LIMK2: variants seen among roughly 807,000 people sequenced by gnomAD.
LIMK2 encodes LIM domain kinase 2.
A neutral mutation model predicts 75.7 loss-of-function variants in LIMK2; 35 were observed. The observed-to-expected ratio is 0.46, with a 90% CI of 0.35 to 0.61. The LOEUF is 0.61. Ranked by LOEUF, LIMK2 falls within the 20% of genes least tolerant of loss-of-function variation. LIMK2 has a pLI of 0.00. For synonymous variants in LIMK2, 301 were observed against 319.2 expected (o/e 0.94, Z 0.61); for missense variants, 623 against 831.0 (o/e 0.75, Z 3.08).
At chr22:31,238,444 G>A (rs1206428591) in intron 2 of LIMK2, among the ~76,000 whole-genome samples, 3 of 152,340 alleles carry the variant, frequency 2.0e-5, no homozygotes, top group East Asian at 3.9e-4. Flanking sequence ...GGATATGAGT[G>A]TTCTGATTTT....
Position 31,267,084 on chromosome 22 carries a change from G to A in LIMK2, c.1128+14G>A. ...TTTCTGACTGAGGTAAGAAGATGGA[G>A]GGGGCCCGGGAGGTTGGTGTCACCA... On this transcript the variant is annotated intron_variant, in intron 9 of 15. Coordinates refer to ENST00000331728, the MANE Select transcript of LIMK2 (RefSeq NM_005569.4). The A allele has an allele frequency of 6.6e-7, 1 of 1,518,452 alleles. No individual in the cohort carries two copies. Among genetic ancestry groups the A allele is most frequent in the Non-Finnish European group, 9.1e-7 (1 of 1,099,412 alleles). The allele number at this position is 1,518,452 out of a possible 1,614,324, so 94.1% of individuals were successfully genotyped here. A position where few individuals can be genotyped will look rare whatever the true frequency, so the allele number is the denominator to read the frequency against.
chr22:31,248,852 C>A lies in LIMK2; in HGVS notation c.117-9439C>A. The A allele has an allele frequency of 2.8e-6, 4 of 1,422,508 alleles. No individual in the cohort carries two copies. In the South Asian group the frequency reaches 3.5e-5, roughly 12 times the overall value. 88.1% of individuals were successfully genotyped at this position (1,422,508 alleles called of 1,614,324 possible). On this transcript the variant is annotated intron_variant, in intron 2 of 15. Coordinates refer to ENST00000331728, the MANE Select transcript of LIMK2 (RefSeq NM_005569.4). ...GGGTGGTCTCCCTAAATCTCCTTCT[C>A]ACTTAGTCCTTTACCATCGGTTCTG...
chr22:31,224,504 A>T (rs1282320301), intron 1 of LIMK2, among the ~76,000 whole-genome samples: 2 of 152,154 alleles, frequency 1.3e-5, no homozygotes, highest in East Asian at 1.9e-4. Flanking sequence ...TAGCTAGTCA[A>T]CCCTGCCCCC....
At chr22:31,253,689 C>A (rs1255900500) in intron 2 of LIMK2, among the ~76,000 whole-genome samples, 6 of 152,236 alleles carry the variant, frequency 3.9e-5, no homozygotes, top group African/African-American at 1.2e-4. Flanking sequence ...GCTTCACATT[C>A]CAGCTCCATC....
rs774503661 is a variant in LIMK2 at position 31,262,697 on chromosome 22, G to C, written c.760G>C (p.Ala254Pro). The C allele has an allele frequency of 1.9e-6, 3 of 1,614,138 alleles. No individual in the cohort carries two copies. Among genetic ancestry groups the C allele is most frequent in the Middle Eastern group, 1.6e-4 (1 of 6,062 alleles). ...LDQLRLEARL[A>P]PHMQNAGHPH... ...CCAGCTGCGGCTGGAGGCCCGGCTC[G>C]CTCCTCACATGCAGAATGCCGGACA... is the stretch of plus-strand genomic sequence containing the variant. The change falls in exon 7 of 16, where the codon GCT (alanine) becomes CCT (proline). Residue 254 changes from alanine (A) to proline (P), a missense_variant. Physicochemically the swap from Ala to Pro is conservative, Grantham distance 27. Around this residue, in one of 3 missense-constraint regions of LIMK2, gnomAD observed 514 missense variants for 661.3 expected, o/e 0.78. Coordinates refer to ENST00000331728, the MANE Select transcript of LIMK2 (RefSeq NM_005569.4). This position sits in a 1 kb window ranked among gnomAD's most constrained non-coding sequence, Gnocchi z 5.0.
chr22:31,252,308 C>T (rs2009132), intron 2 of LIMK2, among the ~76,000 whole-genome samples: 58,064 of 151,826 alleles, frequency 0.38, 12,853 homozygotes, highest in Middle Eastern at 0.56. Context: ...TTTGGGAGGC[C>T]AAGGCTGGAG....
chr22:31,240,217 G>A (rs1280861381), intron 2 of LIMK2, among the ~76,000 whole-genome samples: 1 of 152,166 alleles, frequency 6.6e-6, no homozygotes, highest in African/African-American at 2.4e-5. Context: ...TCTTTTGTGT[G>A]TCAGCTGTAT....
chr22:31,237,454 CT>C (rs2048588743), intron 2 of LIMK2, among the ~76,000 whole-genome samples: 1 of 151,198 alleles, frequency 6.6e-6, no homozygotes, highest in South Asian at 2.1e-4. Flanking sequence ...ATCCCAGCTA[CT>C]TAGGAGACTA....
chr22:31,271,003 C>T, intron 11 of LIMK2, 133 bp from the exon 12 acceptor site: 1 of 740,918 alleles, frequency 1.3e-6, no homozygotes, highest in Non-Finnish European at 2.4e-6. Context: ...GAGGCCCTGG[C>T]CCTGTTGTCC....
chr22:31,277,133 A>G lies in LIMK2; in HGVS notation c.1773-1164A>G, dbSNP rs554853322. 136 of 1,613,738 alleles carry G rather than the reference A, an allele frequency of 8.4e-5. No homozygotes were observed. The East Asian group carries it at 2.9e-3, about 34-fold the overall frequency. On this transcript the variant is annotated intron_variant, in intron 15 of 15. Coordinates refer to ENST00000331728, the MANE Select transcript of LIMK2 (RefSeq NM_005569.4). ...ATGCAGAAGCTGAGCACACCCCAGA[A>G]GAAGTGAGGGTCCCCGACCCAGGCG...
chr22:31,257,874 T>A (rs2048800432), intron 2 of LIMK2, among the ~76,000 whole-genome samples: 1 of 152,256 alleles, frequency 6.6e-6, no homozygotes, highest in Non-Finnish European at 1.5e-5. Context: ...TTTTGTTCAT[T>A]GAAGTATCTG....
At chr22:31,254,257 G>A (rs1249823999) in intron 2 of LIMK2, among the ~76,000 whole-genome samples, 1 of 152,214 alleles carries the variant, frequency 6.6e-6, no homozygotes, top group East Asian at 1.9e-4. Flanking sequence ...GGTGTGTTCT[G>A]GTGCTCCCAT....
intron 15 of LIMK2, 88 bp downstream of exon 15, chr22:31,275,396 A>C: frequency 7.4e-7 from 1 of 1,344,726 alleles, no homozygotes; most frequent in Admixed American, 2.1e-5. Context: ...CTGCAAGCAC[A>C]GGGGTGAGAG....
intron 2 of LIMK2, among the ~76,000 whole-genome samples, chr22:31,234,719 CAAAAAAA>C (rs35909225): frequency 4.4e-5 from 3 of 68,462 alleles, no homozygotes; most frequent in Admixed American, 1.7e-4. Flanking sequence ...GACTCCATCT[CAAAAAAA>C]AAAAAAAAAA....
In LIMK2 at chr22:31,278,278, T is replaced by C. The variant is rs2049052307; in HGVS notation, c.1773-19T>C. 1.9e-6 allele frequency: 3 copies of C among 1,602,854 alleles called. No individual in the cohort carries two copies. Among genetic ancestry groups the C allele is most frequent in the Admixed American group, 3.4e-5 (2 of 59,376 alleles). On this transcript the variant is annotated intron_variant, in intron 15 of 15. Coordinates refer to ENST00000331728, the MANE Select transcript of LIMK2 (RefSeq NM_005569.4). Reference sequence around the variant, plus strand: ...TGCTCATGTTCCACCTGCCTCTAATTTACCTCTTTTCCTTCTAGACCAGCA... The same window carrying C: ...TGCTCATGTTCCACCTGCCTCTAATCTACCTCTTTTCCTTCTAGACCAGCA...
rs138760172 is a variant in LIMK2 at position 31,249,796 on chromosome 22, C to T, written c.117-8495C>T. The stretch of plus-strand genomic sequence containing the variant: ...TGCACCATGTGGTTTTGTGGAATGA[C>T]CGGACCCTGGTAGATTGCTGGGAAG... On this transcript the variant is annotated intron_variant, in intron 2 of 15. Transcript: ENST00000331728. Among the ~76,000 whole-genome samples, 638 of 152,242 alleles carry T rather than the reference C, an allele frequency of 4.2e-3. 4 individuals are homozygous for T. Among genetic ancestry groups the T allele is most frequent in the Admixed American group, 0.011 (168 of 15,276 alleles).
At chr22:31,272,406 C>T (rs148230704) in intron 12 of LIMK2, 124 bp from the exon 13 acceptor site, 3 of 902,294 alleles carry the variant, frequency 3.3e-6, no homozygotes, top group Non-Finnish European at 5.0e-6. Flanking sequence ...GCTTTCTGCT[C>T]TGATTCTCCC....
chr22:31,247,990 C>T (rs963938375), intron 2 of LIMK2, among the ~76,000 whole-genome samples: 4 of 151,158 alleles, frequency 2.6e-5, no homozygotes, highest in African/African-American at 9.7e-5. Context: ...CTGGACCTGT[C>T]TCTCCTACCA....
At chr22:31,266,880 G>T (rs747907309) in intron 8 of LIMK2, 104 bp from the exon 9 acceptor site, 1 of 769,654 alleles carries the variant, frequency 1.3e-6, no homozygotes, top group Admixed American at 2.0e-5. Context: ...ACCCGGCTCA[G>T]TGTGCCCTCC....
Sources: allele counts gnomAD v4.1 joint callset (sites outside exome capture counted in the v4.1 genomes callset), GRCh38; gene constraint gnomAD v4.1.1; regional missense constraint gnomAD v4.1.1; non-coding constraint Gnocchi (gnomAD v3.1); transcripts MANE v1.5; gene names NCBI Gene and HGNC (gene_info 2026-07-23, HGNC 2026-07-21).